Variants in HAUS8 observed in about 807,000 individuals in gnomAD.
The protein encoded by HAUS8 is HAUS augmin-like complex subunit 8.
HAUS8 carries 38 observed loss-of-function variants against 42.9 expected under a neutral mutation model. That is an observed-to-expected ratio of 0.89 (90% CI 0.68 to 1.16). The LOEUF (loss-of-function observed/expected upper bound fraction) is 1.16. HAUS8 is among the 50% of genes most tolerant of loss of function. The pLI, the probability that HAUS8 is intolerant of heterozygous loss-of-function variation, is 0.00. For missense variants in HAUS8, 494 were observed against 511.6 expected (o/e 0.97, Z 0.33); for synonymous variants, 199 against 205.8 (o/e 0.97, Z 0.28).
At chr19:17,060,502 G>A (rs1229207305) in intron 4 of HAUS8, among the ~76,000 whole-genome samples, 8 of 152,128 alleles carry the variant, frequency 5.3e-5, no homozygotes, top group African/African-American at 7.2e-5. Flanking sequence ...TCCACCTCCC[G>A]GGTTCAAGTG....
intron 10 of HAUS8, 164 bp downstream of exon 10, chr19:17,052,657 TGCTG>T: frequency 4.4e-6 from 3 of 687,234 alleles, no homozygotes; most frequent in Non-Finnish European, 7.5e-6. Context: ...CAATGACACC[TGCTG>T]GCCATTCTTG....
Position 17,059,619 on chromosome 19 carries a change from C to T in HAUS8, c.358G>A (p.Ala120Thr). 1.2e-6 allele frequency: 2 copies of T among 1,613,852 alleles called. No homozygotes were observed. Among genetic ancestry groups the T allele is most frequent in the Non-Finnish European group, 1.7e-6 (2 of 1,179,884 alleles). ...TCAGGTTTCTTTGATATTGTTTTTG[C>T]TAACTGTGGCGTCTTTTTGACGATG... is the stretch of plus-strand genomic sequence containing the variant. ...KSIVKKTPQL[A>T]KTISKKPEST... Residue 120 changes from alanine to threonine, a missense_variant, in exon 6 of 11, where the codon GCA becomes ACA. Physicochemically the swap from Ala to Thr is moderately conservative, Grantham distance 58. Coordinates refer to ENST00000253669, the MANE Select transcript of HAUS8 (RefSeq NM_033417.2).
chr19:17,072,617 G>C (rs2057434089), intron 2 of HAUS8, among the ~76,000 whole-genome samples: 1 of 151,970 alleles, frequency 6.6e-6, no homozygotes, highest in African/African-American at 2.4e-5. Flanking sequence ...TGGGATTACA[G>C]GCGTGAGCCA....
At chr19:17,051,692 G>C (rs1353040469) in intron 10 of HAUS8, 2 of 135,328 alleles carry the variant, frequency 1.5e-5, no homozygotes, top group Non-Finnish European at 3.1e-5. Flanking sequence ...TCCTGAGACA[G>C]GGTCTCACTC....
At chr19:17,053,034 G>A in intron 9 of HAUS8, 68 bp from the exon 10 acceptor site, 2 of 1,586,076 alleles carry the variant, frequency 1.3e-6, no homozygotes, top group South Asian at 1.1e-5. Flanking sequence ...CACAAGTGGA[G>A]CGGCCGACAG....
intron 2 of HAUS8, 26 bp from the exon 3 acceptor site, chr19:17,069,112 A>C: frequency 6.2e-7 from 1 of 1,607,270 alleles, no homozygotes; most frequent in Non-Finnish European, 8.5e-7. Context: ...GTTGGTGCAC[A>C]ACAAAACTAC....
At chr19:17,075,163 G>A (rs542216220) in intron 1 of HAUS8, 3 of 548,070 alleles carry the variant, frequency 5.5e-6, no homozygotes, top group African/African-American at 1.9e-5. Flanking sequence ...GCCGCTTGCC[G>A]GAGGTCGCCC....
intron 2 of HAUS8, among the ~76,000 whole-genome samples, chr19:17,072,870 C>G (rs1161672816): frequency 1.4e-5 from 2 of 145,436 alleles, no homozygotes; most frequent in Non-Finnish European, 3.0e-5. Context: ...AATCCCAACA[C>G]TTTGGGAGGC....
chr19:17,065,731 G>A (rs2123376339), intron 3 of HAUS8, among the ~76,000 whole-genome samples: 1 of 152,012 alleles, frequency 6.6e-6, no homozygotes, highest in East Asian at 1.9e-4. Context: ...AGAGGCTGAG[G>A]CAGAATAGCT....
At chr19:17,062,329 A>C (rs762082234) in intron 4 of HAUS8, among the ~76,000 whole-genome samples, 6 of 152,102 alleles carry the variant, frequency 3.9e-5, no homozygotes, top group Admixed American at 1.3e-4. Flanking sequence ...ATGGGGTTTC[A>C]CTATGTTGGC....
intron 3 of HAUS8, among the ~76,000 whole-genome samples, chr19:17,066,776 C>T (rs956129608): frequency 6.6e-6 from 1 of 152,178 alleles, no homozygotes; most frequent in Non-Finnish European, 1.5e-5. Flanking sequence ...CACGTCTACA[C>T]AGAAAAATAC....
At chr19:17,068,096 ATTC>A (rs1229407277) in intron 3 of HAUS8, among the ~76,000 whole-genome samples, 1 of 104,872 alleles carries the variant, frequency 9.5e-6, no homozygotes, top group South Asian at 3.1e-4. Context: ...TTTTTATTTT[ATTC>A]TTTTTTTTTT....
intron 9 of HAUS8, chr19:17,054,922 A>T (rs919706523): frequency 6.7e-6 from 1 of 149,052 alleles, no homozygotes; most frequent in African/African-American, 2.5e-5. Context: ...AGTGAGCTAT[A>T]ATTGCACTAC....
intron 10 of HAUS8, among the ~76,000 whole-genome samples, chr19:17,051,161 C>T (rs1272869988): frequency 6.6e-6 from 1 of 152,032 alleles, no homozygotes; most frequent in Non-Finnish European, 1.5e-5. Context: ...AATGAGTTAT[C>T]CTGGGAGTGG....
rs71180355 is a variant in HAUS8 at position 17,072,338 on chromosome 19, CTTTTTTTTTTTTTT to C, written c.91+922_91+935del. ...ATCTACCATGCAAGCCGAGCATTTC[CTTTTTTTTTTTTTT>C]TTTTTTTTTGAGATGGAGTTTCGCT... On this transcript the variant is annotated intron_variant, in intron 2 of 10. Coordinates refer to ENST00000253669, the MANE Select transcript of HAUS8 (RefSeq NM_033417.2). Among the ~76,000 whole-genome samples, 11 of 87,546 alleles carry C rather than the reference CTTTTTTTTTTTTTT, an allele frequency of 1.3e-4. No individual in the cohort carries two copies. In the East Asian group the frequency reaches 3.0e-3, roughly 24 times the overall value. The allele number at this position is 87,546 out of a possible 152,430, so 57.4% of individuals were successfully genotyped here.
intron 2 of HAUS8, among the ~76,000 whole-genome samples, chr19:17,070,184 GC>G (rs1451220521): frequency 7.2e-6 from 1 of 138,564 alleles, no homozygotes; most frequent in East Asian, 2.1e-4. Flanking sequence ...CTTGAATCCC[GC>G]CCCCCACAAT....
chr19:17,053,200 T>C (rs2057298915), intron 9 of HAUS8: 2 of 565,404 alleles, frequency 3.5e-6, no homozygotes, highest in South Asian at 2.0e-5. Flanking sequence ...GGACCAGAAC[T>C]GAAATGTCAC....
chr19:17,072,518 T>C (rs2057433441), intron 2 of HAUS8, among the ~76,000 whole-genome samples: 1 of 152,004 alleles, frequency 6.6e-6, no homozygotes, highest in Admixed American at 6.6e-5. Flanking sequence ...AATTTTTGTA[T>C]TTTTAGTAGA....
chr19:17,067,248 G>C (rs2057392565), intron 3 of HAUS8, among the ~76,000 whole-genome samples: 1 of 150,758 alleles, frequency 6.6e-6, no homozygotes, highest in Non-Finnish European at 1.5e-5. Context: ...TGCAATACAT[G>C]CAACACAGAG....
Sources: gnomAD v4.1 joint callset for allele counts (sites outside exome capture counted in the v4.1 genomes callset) on GRCh38, gnomAD v4.1.1 for gene constraint, MANE v1.5 for transcripts, NCBI Gene and HGNC (gene_info 2026-07-23, HGNC 2026-07-21) for gene names.